Variants in PCED1A observed in about 807,000 individuals in gnomAD.
PCED1A encodes the protein PC-esterase domain-containing protein 1A.
PCED1A carries 20 observed loss-of-function variants against 41.9 expected under a neutral mutation model. That is an observed-to-expected ratio of 0.48 (90% CI 0.34 to 0.69). The LOEUF is 0.69. Among genes scored for constraint, PCED1A ranks in the 30% least tolerant of loss-of-function variants. The pLI is 0.01. For synonymous variants in PCED1A, 236 were observed against 241.3 expected (o/e 0.98, Z 0.20); for missense variants, 498 against 602.1 (o/e 0.83, Z 1.81).
In PCED1A at chr20:2,836,054, T is replaced by C; in HGVS notation, c.1102A>G (p.Met368Val). Residue 368 changes from methionine (M) to valine (V), a missense_variant, in exon 7 of 8, where the codon ATG becomes GTG. By Grantham distance (21) the Met-to-Val change is conservative. Around this residue, in one of 2 missense-constraint regions of PCED1A, gnomAD observed 245 missense variants for 232.4 expected, o/e 1.05. Coordinates refer to ENST00000360652, the MANE Select transcript of PCED1A (RefSeq NM_022760.6). ...AAGCACCTACCTAAGTGGGGTGGCA[T>C]CGAGAAGTCCTCCACTGGATTATAG... is the stretch of plus-strand genomic sequence containing the variant. ...FNYNPVEDFSMPPHLGCGPGV... is the reference protein window; with the variant it reads ...FNYNPVEDFSVPPHLGCGPGV... 1 of 1,486,444 alleles carries C rather than the reference T, an allele frequency of 6.7e-7. No individual in the cohort carries two copies. Among genetic ancestry groups the C allele is most frequent in the Non-Finnish European group, 9.0e-7 (1 of 1,116,290 alleles). 92.1% of individuals were successfully genotyped at this position (1,486,444 alleles called of 1,614,324 possible).
chr20:2,839,084 TACCCACCCCCCCC>T lies in PCED1A; in HGVS notation c.205-15_205-3del. The T allele has an allele frequency of 1.4e-6, 1 of 725,198 alleles. No individual in the cohort carries two copies. The highest frequency in any genetic ancestry group is 1.9e-6 in the Non-Finnish European group (1 of 522,170). The allele number at this position is 725,198 out of a possible 1,614,324, so 44.9% of individuals were successfully genotyped here. A position where few individuals can be genotyped will look rare whatever the true frequency, so the allele number is the denominator to read the frequency against. On this transcript the variant is annotated splice_region_variant and splice_polypyrimidine_tract_variant and intron_variant, in intron 3 of 7. Transcript: ENST00000360652. Reference sequence around the variant, plus strand: ...GTCCTGTTCAAAGCTCAGCTCCCCCTACCCACCCCCCCCACCCTACTGGTCAGACCCATGCCAG... The same window carrying T: ...GTCCTGTTCAAAGCTCAGCTCCCCCTACCCTACTGGTCAGACCCATGCCAG...
upstream of PCED1A, chr20:2,840,906 C>T (rs1278716854): frequency 5.7e-6 from 8 of 1,402,118 alleles, no homozygotes; most frequent in Admixed American, 1.7e-4. Flanking sequence ...CGGCGTTCGC[C>T]CCTGTCACTA....
At chr20:2,837,868 A>T (rs1483228535) in intron 6 of PCED1A, among the ~76,000 whole-genome samples, 2 of 152,064 alleles carry the variant, frequency 1.3e-5, no homozygotes, top group African/African-American at 4.8e-5. Context: ...CTTCTGCCAC[A>T]CTGCCTGGAT....
At chr20:2,835,989 G>T (rs898702235) in intron 7 of PCED1A, 50 bp downstream of exon 7, 2 of 1,455,480 alleles carry the variant, frequency 1.4e-6, no homozygotes, top group Non-Finnish European at 1.8e-6. Flanking sequence ...GGCATAGGAG[G>T]CTGGGTAAGG....
chr20:2,836,129 C>G lies in PCED1A; in HGVS notation c.1027G>C (p.Asp343His). The change falls in exon 7 of 8, where the codon GAT becomes CAT. Residue 343 changes from aspartate (D) to histidine (H), a missense_variant. Asp to His is a moderately conservative substitution (Grantham distance 81, BLOSUM62 -1). This residue lies in a region of PCED1A where 245 missense variants were observed against 232.4 expected (regional missense o/e 1.05). Transcript: ENST00000360652. ...PPPLFPPLPQ[D>H]TPFFPGQPFP... Reference sequence around the variant, plus strand: ...GGCTGGCCTGGGAAAAAAGGGGTATCCTGGGGCAGGGGTGGGAAGAGGGGA... The same window carrying G: ...GGCTGGCCTGGGAAAAAAGGGGTATGCTGGGGCAGGGGTGGGAAGAGGGGA... 3.8e-6 allele frequency: 6 copies of G among 1,586,462 alleles called. No homozygotes were observed. The highest frequency in any genetic ancestry group is 4.3e-6 in the Non-Finnish European group (5 of 1,167,062).
At position 2,835,315 on chromosome 20, in the gene PCED1A, T is replaced by C; in HGVS notation, c.*147A>G. 2 of 1,128,918 alleles carry C rather than the reference T, an allele frequency of 1.8e-6. No individual in the cohort carries two copies. The highest frequency in any genetic ancestry group is 1.2e-6 in the Non-Finnish European group (1 of 831,568). The allele number at this position is 1,128,918 out of a possible 1,614,324, so 69.9% of individuals were successfully genotyped here. On this transcript the variant is annotated 3_prime_UTR_variant, in exon 8 of 8. Coordinates refer to ENST00000360652, the MANE Select transcript of PCED1A (RefSeq NM_022760.6). ...TGGGATACCCACTGCACACAGGAAT[T>C]TGTCACTCTGTTCTTCCATGCCTTT... is the stretch of plus-strand genomic sequence containing the variant.
In PCED1A at chr20:2,838,131, A is replaced by G; in HGVS notation, c.841+101T>C. 8 of 1,556,448 alleles carry G rather than the reference A, an allele frequency of 5.1e-6. No individual in the cohort carries two copies. In the South Asian group the frequency reaches 9.4e-5, roughly 18 times the overall value. ...AGAAGCCACAGGAGTCCTTCAAGGG[A>G]CCTCTACTTCCCTTGAGTGGCTGTG... On this transcript the variant is annotated intron_variant, in intron 6 of 7. Coordinates refer to ENST00000360652, the MANE Select transcript of PCED1A (RefSeq NM_022760.6). The surrounding 1 kb of genome is among the most constrained non-coding windows in gnomAD (Gnocchi z 5.8).
In PCED1A at chr20:2,839,878, C is replaced by T. The variant is rs750798293; in HGVS notation, c.35G>A (p.Arg12His). 5.0e-6 allele frequency: 8 copies of T among 1,613,960 alleles called. No homozygotes were observed. Among genetic ancestry groups the T allele is most frequent in the Non-Finnish European group, 6.8e-6 (8 of 1,179,994 alleles). ...VFCLSSEEPR[R>H]PLRSDMVHFQ... ...GTGGACCATGTCGCTTCGCAGCGGG[C>T]GGCGCGGCTCCTCGCTCGACAGACA... The change falls in exon 2 of 8, where the codon CGC becomes CAC. Residue 12 changes from arginine (R) to histidine (H), a missense_variant. Arg to His is a conservative substitution (Grantham distance 29). This residue lies in a region of PCED1A where 253 missense variants were observed against 369.7 expected (regional missense o/e 0.68). Transcript: ENST00000360652.
rs370753330 is a variant in PCED1A at position 2,835,602 on chromosome 20, G to A, written c.1225C>T (p.Arg409Cys). Reference protein sequence around the residue: ...WGPVVHRGMPRYVPNSPYHVR... With the variant: ...WGPVVHRGMPCYVPNSPYHVR... ...TGGTAGGGGCTGTTAGGAACATAGC[G>A]TGGCATCCCCCGGTGGACCACTGGG... The change falls in exon 8 of 8, where the codon CGC (arginine) becomes TGC (cysteine). Residue 409 changes from arginine (R) to cysteine (C), a missense_variant. Physicochemically the swap from Arg to Cys is radical, Grantham distance 180 (BLOSUM62 -3). Around this residue, in one of 2 missense-constraint regions of PCED1A, gnomAD observed 245 missense variants for 232.4 expected, o/e 1.05. Coordinates refer to ENST00000360652, the MANE Select transcript of PCED1A (RefSeq NM_022760.6). 1.7e-5 allele frequency: 28 copies of A among 1,613,744 alleles called. No homozygotes were observed. The highest frequency in any genetic ancestry group is 2.2e-5 in the East Asian group (1 of 44,886).
upstream of PCED1A, chr20:2,840,833 C>T (rs6076435): frequency 1.9e-6 from 3 of 1,547,080 alleles, no homozygotes; most frequent in Non-Finnish European, 2.6e-6. Flanking sequence ...TACCGGTGAG[C>T]TGCCCCGCCC....
chr20:2,837,641 GC>G, intron 6 of PCED1A, among the ~76,000 whole-genome samples: 1 of 152,092 alleles, frequency 6.6e-6, no homozygotes, highest in Non-Finnish European at 1.5e-5. Context: ...GGGGAGTGGG[GC>G]CCTCAGAAGC....
rs2088951012 is a variant in PCED1A, at chr20:2,840,601, C to T, written c.-412G>A. 1.4e-6 allele frequency: 1 copy of T among 693,834 alleles called. No individual in the cohort carries two copies. The highest frequency in any genetic ancestry group is 2.4e-6 in the Non-Finnish European group (1 of 411,042). The allele number at this position is 693,834 out of a possible 1,614,324, so 43.0% of individuals were successfully genotyped here. ...TGGGCCCACTTGGCGGGCGCGAAGC[C>T]CAGGTACGGGCTGGGGTCTCGGGGC... On this transcript the variant is annotated 5_prime_UTR_variant, in exon 1 of 8. Transcript: ENST00000360652.
upstream of PCED1A, chr20:2,840,682 G>A: frequency 7.1e-7 from 1 of 1,416,560 alleles, no homozygotes; most frequent in South Asian, 1.2e-5. Flanking sequence ...GCCTCGCCAC[G>A]TGACCCGGAC....
In PCED1A at chr20:2,836,123, G is replaced by A. The variant is rs1436633616; in HGVS notation, c.1033C>T (p.Pro345Ser). Residue 345 changes from proline (P) to serine (S), a missense_variant, in exon 7 of 8, where the codon CCT becomes TCT. Pro to Ser is a moderately conservative substitution (Grantham distance 74). Transcript: ENST00000360652. ...GGGAAGGGCTGGCCTGGGAAAAAAGGGGTATCCTGGGGCAGGGGTGGGAAG... is the reference window on the plus strand; with the variant it reads ...GGGAAGGGCTGGCCTGGGAAAAAAGAGGTATCCTGGGGCAGGGGTGGGAAG... ...PLFPPLPQDT[P>S]FFPGQPFPPH... 2 of 1,584,990 alleles carry A rather than the reference G, an allele frequency of 1.3e-6. No individual in the cohort carries two copies. The highest frequency in any genetic ancestry group is 2.7e-5 in the African/African-American group (2 of 74,162).
upstream of PCED1A, chr20:2,840,999 C>T: frequency 1.6e-6 from 1 of 621,794 alleles, no homozygotes; most frequent in Non-Finnish European, 2.7e-6. Flanking sequence ...GGGAGCCGGG[C>T]CTTCCCCTGC....
At chr20:2,836,579 T>C (rs374429558) in intron 6 of PCED1A, among the ~76,000 whole-genome samples, 1 of 152,194 alleles carries the variant, frequency 6.6e-6, no homozygotes, top group Non-Finnish European at 1.5e-5. Flanking sequence ...AGGTCTTGTA[T>C]CTAGCTTTTT....
In PCED1A at chr20:2,835,443, T is replaced by C; in HGVS notation, c.*19A>G. 6.3e-7 allele frequency: 1 copy of C among 1,592,190 alleles called. No homozygotes were observed. The highest frequency in any genetic ancestry group is 1.7e-4 in the Middle Eastern group (1 of 5,974). The stretch of plus-strand genomic sequence containing the variant: ...CCTGAAGGGCCATTGGCACATCCAG[T>C]CCCAGCCCAAGATCCAGTCTACCCA... On this transcript the variant is annotated 3_prime_UTR_variant, in exon 8 of 8. Transcript: ENST00000360652.
intron 3 of PCED1A, 34 bp downstream of exon 3, chr20:2,839,158 C>A: frequency 6.2e-7 from 1 of 1,607,068 alleles, no homozygotes; most frequent in Non-Finnish European, 8.5e-7. Flanking sequence ...TCTGTGCCCA[C>A]CCACCACTGA....
rs2088808396 is a variant in PCED1A at position 2,835,555 on chromosome 20, G to A, written c.1272C>T (p.Pro424=). Reference sequence around the variant, plus strand: ...CTGAGTGTCTGAGCCGCTGCCTGCAGGGCCCCCCCATTCTCCGCACATGGT... The same window carrying A: ...CTGAGTGTCTGAGCCGCTGCCTGCAAGGCCCCCCCATTCTCCGCACATGGT... ...SPYHVRRMGG[P]CRQRLRHSER... Residue 424 remains proline (P), a synonymous_variant, in exon 8 of 8, where the codon CCC becomes CCT. Coordinates refer to ENST00000360652, the MANE Select transcript of PCED1A (RefSeq NM_022760.6). 1.2e-6 allele frequency: 2 copies of A among 1,614,076 alleles called. No individual in the cohort carries two copies. Among genetic ancestry groups the A allele is most frequent in the African/African-American group, 2.7e-5 (2 of 74,934 alleles).
Sources: gnomAD v4.1 joint callset for allele counts (sites outside exome capture counted in the v4.1 genomes callset) on GRCh38, gnomAD v4.1.1 for gene constraint, gnomAD v4.1.1 regional missense constraint, Gnocchi (gnomAD v3.1) non-coding constraint, MANE v1.5 for transcripts, NCBI Gene and HGNC (gene_info 2026-07-23, HGNC 2026-07-21) for gene names.